Variants in TBC1D8 observed in about 807,000 individuals in gnomAD.
TBC1D8 encodes the protein BUB2-like protein 1.
Under a neutral mutation model 118.8 loss-of-function variants are expected in TBC1D8, and 65 were observed. The observed-to-expected ratio is 0.55, with a 90% CI of 0.45 to 0.67. The LOEUF (loss-of-function observed/expected upper bound fraction) is 0.67. Among genes scored for constraint, TBC1D8 ranks in the 30% least tolerant of loss-of-function variants. TBC1D8 has a pLI of 0.00. For synonymous variants in TBC1D8, 566 were observed against 595.8 expected, an observed-to-expected ratio of 0.95 and a Z score of 0.73; for missense variants, 1,376 against 1,471.2, an observed-to-expected ratio of 0.94 and a Z score of 1.06.
intron 2 of TBC1D8, among the ~76,000 whole-genome samples, chr2:101,072,532 T>C (rs1036395506): frequency 9.9e-5 from 15 of 152,160 alleles, no homozygotes; most frequent in African/African-American, 2.4e-5. Flanking sequence ...GAGACCAATT[T>C]TGTGGGAGAC....
At chr2:101,093,292 G>A (rs1370729487) in intron 1 of TBC1D8, among the ~76,000 whole-genome samples, 1 of 152,096 alleles carries the variant, frequency 6.6e-6, no homozygotes, top group Non-Finnish European at 1.5e-5. Context: ...CTGCACGGGG[G>A]TTGGCAACCC....
Position 101,007,889 on chromosome 2 carries a change from G to T in TBC1D8, c.3400C>A (p.Gln1134Lys). 6.2e-7 allele frequency: 1 copy of T among 1,614,014 alleles called. No individual in the cohort carries two copies. Among genetic ancestry groups the T allele is most frequent in the Non-Finnish European group, 8.5e-7 (1 of 1,179,892 alleles). Residue 1134 changes from glutamine to lysine, a missense_variant, in exon 20 of 20, where the codon CAG (glutamine) becomes AAG (lysine). By Grantham distance (53) the Gln-to-Lys change is moderately conservative. Coordinates refer to ENST00000409318, the MANE Select transcript of TBC1D8 (RefSeq NM_001330348.2). ...ATTTCAAAAGTTTTGAGATTGTACTGATTGATCTTGGCATTTTCAAGTTTG... is the reference window on the plus strand; with the variant it reads ...ATTTCAAAAGTTTTGAGATTGTACTTATTGATCTTGGCATTTTCAAGTTTG... ...KSKLENAKIN[Q>K]YNLKTFEMSH...
intron 15 of TBC1D8, 113 bp from the exon 16 acceptor site, chr2:101,022,634 C>G: frequency 2.8e-6 from 4 of 1,408,770 alleles, no homozygotes; most frequent in Non-Finnish European, 3.7e-6. Context: ...TAACTGGATA[C>G]GTAAAAGTGT....
intron 1 of TBC1D8, among the ~76,000 whole-genome samples, chr2:101,133,086 G>A (rs1678665797): frequency 1.3e-5 from 2 of 150,528 alleles, no homozygotes; most frequent in African/African-American, 4.9e-5. Context: ...CTTGAACCCG[G>A]GAGGCGGAGG....
chr2:101,117,505 G>A (rs1182905646), intron 1 of TBC1D8, among the ~76,000 whole-genome samples: 1 of 151,954 alleles, frequency 6.6e-6, no homozygotes, highest in Non-Finnish European at 1.5e-5. Context: ...TCCAGTAAAG[G>A]GCAGATTCAG....
chr2:101,116,465 AG>A (rs1270123157), intron 1 of TBC1D8, among the ~76,000 whole-genome samples: 2 of 152,144 alleles, frequency 1.3e-5, no homozygotes, highest in Non-Finnish European at 2.9e-5. Context: ...TTAAACAAGC[AG>A]GTGCAAAGTC....
chr2:101,008,098 C>A lies in TBC1D8; in HGVS notation c.3191G>T (p.Arg1064Leu). 6.2e-7 allele frequency: 1 copy of A among 1,613,796 alleles called. No individual in the cohort carries two copies. Among genetic ancestry groups the A allele is most frequent in the Non-Finnish European group, 8.5e-7 (1 of 1,179,760 alleles). The change falls in exon 20 of 20, where the codon CGG becomes CTG. Residue 1064 changes from arginine (R) to leucine (L), a missense_variant. Arg to Leu is a moderately radical substitution (Grantham distance 102, BLOSUM62 -2). Coordinates refer to ENST00000409318, the MANE Select transcript of TBC1D8 (RefSeq NM_001330348.2). The stretch of plus-strand genomic sequence containing the variant: ...GTCCTCAGGAGAAGGAGCTGAAGCC[C>A]GCAGCTCCTCCCCACACTCCTGGGA... ...SCSQECGEEL[R>L]ASAPSPEDSV... is the part of the protein sequence containing the mutation.
intron 2 of TBC1D8, among the ~76,000 whole-genome samples, chr2:101,079,902 G>A (rs540808796): frequency 6.6e-5 from 10 of 151,942 alleles, no homozygotes; most frequent in South Asian, 2.1e-4. Context: ...TAGCTAGGAC[G>A]GTCTCGATCT....
Position 101,025,179 on chromosome 2 carries a change from T to C in TBC1D8, c.2520+2204A>G, listed in dbSNP as rs551525091. Among the ~76,000 whole-genome samples the C allele has an allele frequency of 3.2e-4, 49 of 152,110 alleles. 1 individual carries two copies. The highest frequency in any genetic ancestry group is 8.8e-5 in the Non-Finnish European group (6 of 68,032). On this transcript the variant is annotated intron_variant, in intron 15 of 19. Transcript: ENST00000409318. ...ACGCACATTGTTAACCGTAATTATC[T>C]GTACAGGGAGGGTAATACGGGCACA...
intron 2 of TBC1D8, among the ~76,000 whole-genome samples, chr2:101,069,195 A>G (rs964281131): frequency 2.6e-5 from 4 of 151,626 alleles, no homozygotes; most frequent in Admixed American, 6.6e-5. Flanking sequence ...CGGGAGGCTG[A>G]GGCATAAGAA....
intron 1 of TBC1D8, among the ~76,000 whole-genome samples, chr2:101,150,107 C>CT (rs1192088043): frequency 2.6e-5 from 4 of 152,206 alleles, no homozygotes; most frequent in African/African-American, 9.7e-5. Flanking sequence ...AATCCAGTTC[C>CT]TTTGCACTTG....
rs758514364 is a variant in TBC1D8, at chr2:101,028,006, C to T, written c.2451+42G>A. The stretch of plus-strand genomic sequence containing the variant: ...AAGGATGCGCACTCCCAGGTTGGCT[C>T]CCCAATACCGTGATCACCGGGGTGA... On this transcript the variant is annotated intron_variant, in intron 14 of 19. Coordinates refer to ENST00000409318, the MANE Select transcript of TBC1D8 (RefSeq NM_001330348.2). 7 of 1,596,466 alleles carry T rather than the reference C, an allele frequency of 4.4e-6. No individual in the cohort carries two copies. The South Asian group carries it at 4.4e-5, about 10-fold the overall frequency.
At chr2:101,011,063 A>T (rs1679173134) in intron 18 of TBC1D8, 37 bp from the exon 19 acceptor site, 2 of 1,593,110 alleles carry the variant, frequency 1.3e-6, no homozygotes, top group Non-Finnish European at 1.7e-6. Flanking sequence ...GTTTAATTTA[A>T]ATAAATTCAG....
At chr2:101,008,623 A>G (rs535078643) in intron 19 of TBC1D8, among the ~76,000 whole-genome samples, 2 of 151,944 alleles carry the variant, frequency 1.3e-5, no homozygotes, top group African/African-American at 2.4e-5. Flanking sequence ...GACCAGCCCA[A>G]TCAACATGGA....
At chr2:101,013,952 G>A (rs1045537427) in intron 17 of TBC1D8, among the ~76,000 whole-genome samples, 5 of 152,318 alleles carry the variant, frequency 3.3e-5, no homozygotes, top group Admixed American at 2.0e-4. Flanking sequence ...GAGGCCCTGC[G>A]CTTGGATTAA....
At chr2:101,092,673 C>T (rs992039836) in intron 1 of TBC1D8, among the ~76,000 whole-genome samples, 10 of 152,062 alleles carry the variant, frequency 6.6e-5, no homozygotes, top group Admixed American at 6.6e-4. Flanking sequence ...CGGATGTGTC[C>T]TCATCGTTCT....
intron 10 of TBC1D8, 45 bp from the exon 11 acceptor site, chr2:101,032,430 T>C: frequency 1.3e-6 from 2 of 1,537,200 alleles, no homozygotes; most frequent in Non-Finnish European, 1.8e-6. Flanking sequence ...GCCCATGTGA[T>C]GCCACAGAGA....
chr2:101,029,810 G>T, intron 11 of TBC1D8, 34 bp from the exon 12 acceptor site: 1 of 1,598,726 alleles, frequency 6.3e-7, no homozygotes, highest in Non-Finnish European at 8.5e-7. Context: ...TCTGGCTGGG[G>T]TAGGACTCAC....
Position 101,029,709 on chromosome 2 carries a change from G to A in TBC1D8, c.2004C>T (p.His668=), listed in dbSNP as rs1680562097. The A allele has an allele frequency of 1.2e-6, 2 of 1,614,016 alleles. No individual in the cohort carries two copies. Among genetic ancestry groups the A allele is most frequent in the Non-Finnish European group, 1.7e-6 (2 of 1,179,894 alleles). Residue 668 remains histidine (H), a synonymous_variant, in exon 12 of 20, where the codon CAC becomes CAT. Transcript: ENST00000409318. ...IKGHLPELAE[H]MNDLSALASV... is the part of the protein sequence containing the mutation. ...ACGCCAGGGCTGAGAGGTCGTTCAT[G>A]TGCTCTGCCAGCTCTGGGAGATGAC...
Sources: allele counts gnomAD v4.1 joint callset (sites outside exome capture counted in the v4.1 genomes callset), GRCh38; gene constraint gnomAD v4.1.1; transcripts MANE v1.5; gene names NCBI Gene and HGNC (gene_info 2026-07-23, HGNC 2026-07-21).